The following SEC61G variants were observed in gnomAD, a reference collection of about 807,000 sequenced individuals.
SEC61G encodes SEC61 translocon subunit gamma, also known as protein transport protein Sec61 subunit gamma.
A neutral mutation model predicts 7.5 loss-of-function variants in SEC61G; 4 were observed. That is an observed-to-expected ratio of 0.54 (90% CI 0.26 to 1.22). SEC61G has a LOEUF of 1.22. Ranked by LOEUF, SEC61G falls within the 50% of genes most tolerant of loss-of-function variation. The probability of loss-of-function intolerance (pLI) is 0.12; values close to 1 mark genes in which losing one functional copy is unlikely to be tolerated. For missense variants in SEC61G, 53 were observed against 84.6 expected, an observed-to-expected ratio of 0.63 and a Z score of 1.46; for synonymous variants, 24 against 24.4, an observed-to-expected ratio of 0.98 and a Z score of 0.05.
At chr7:54,754,915 T>C (rs1374416878) in intron 3 of SEC61G, 4 of 152,258 alleles carry the variant, frequency 2.6e-5, no homozygotes, top group Non-Finnish European at 2.9e-5. Context: ...CTGATACACC[T>C]GATATTATTA....
intron 3 of SEC61G, among the ~76,000 whole-genome samples, chr7:54,753,074 G>A (rs1433231201): frequency 6.6e-6 from 1 of 152,076 alleles, no homozygotes; most frequent in African/African-American, 2.4e-5. Flanking sequence ...CAGATCACCT[G>A]AGGTCAGGAG....
chr7:54,759,129 C>T (rs765339383), intron 1 of SEC61G, 29 bp downstream of exon 1: 19 of 517,376 alleles, frequency 3.7e-5, no homozygotes, highest in African/African-American at 3.5e-4. Context: ...GCCCCGTTCG[C>T]CCGTACCGAC....
chr7:54,755,983 C>A (rs1791505942), intron 2 of SEC61G, 102 bp from the exon 3 acceptor site: 1 of 549,772 alleles, frequency 1.8e-6, no homozygotes, highest in Non-Finnish European at 3.2e-6. Context: ...GTATACATTT[C>A]TCCTGTTAAT....
At chr7:54,756,578 A>C (rs1304521242) in intron 2 of SEC61G, among the ~76,000 whole-genome samples, 1 of 152,168 alleles carries the variant, frequency 6.6e-6, no homozygotes, top group African/African-American at 2.4e-5. Flanking sequence ...GCTTGAACCC[A>C]GGAGGCGGAG....
Position 54,752,369 on chromosome 7 carries a change from T to C in SEC61G, c.*42A>G. 6.8e-7 allele frequency: 1 copy of C among 1,480,912 alleles called. No homozygotes were observed. Among genetic ancestry groups the C allele is most frequent in the East Asian group, 2.3e-5 (1 of 42,626 alleles). The allele number at this position is 1,480,912 out of a possible 1,614,324, so 91.7% of individuals were successfully genotyped here. On this transcript the variant is annotated 3_prime_UTR_variant, in exon 4 of 4. Coordinates refer to ENST00000352861, the MANE Select transcript of SEC61G (RefSeq NM_014302.4). ...TGAGTTTCTCACACCCTCACACTTGTTCACCAATCTCTAAGATGAAAAACT... is the reference window on the plus strand; with the variant it reads ...TGAGTTTCTCACACCCTCACACTTGCTCACCAATCTCTAAGATGAAAAACT...
At chr7:54,754,760 T>C (rs1791474948) in intron 3 of SEC61G, 1 of 152,162 alleles carries the variant, frequency 6.6e-6, no homozygotes, top group African/African-American at 2.4e-5. Context: ...TCAATTGATA[T>C]TACTGATTGA....
At chr7:54,759,079 G>C (rs906579484) in intron 1 of SEC61G, 79 bp downstream of exon 1, 14 of 436,654 alleles carry the variant, frequency 3.2e-5, no homozygotes, top group East Asian at 2.9e-4. Context: ...ACGCCGGCTC[G>C]CCCACGCCCG....
Position 54,759,137 on chromosome 7 carries a change from G to C in SEC61G, c.-7+21C>G, listed in dbSNP as rs2699226. The C allele has an allele frequency of 0.3, 156,201 of 517,226 alleles. 24,381 individuals are homozygous for C. The highest frequency in any genetic ancestry group is 0.38 in the South Asian group (27,016 of 71,456). The allele number at this position is 517,226 out of a possible 1,614,324, so 32.0% of individuals were successfully genotyped here. A position where few individuals can be genotyped will look rare whatever the true frequency, so the allele number is the denominator to read the frequency against. Reference sequence around the variant, plus strand: ...TGTGGCCGCCCCGTTCGCCCGTACCGACCGGTGGGAAGAAACTCACCTACC... The same window carrying C: ...TGTGGCCGCCCCGTTCGCCCGTACCCACCGGTGGGAAGAAACTCACCTACC... On this transcript the variant is annotated intron_variant, in intron 1 of 3. Transcript: ENST00000352861.
At chr7:54,756,566 T>C (rs1000155095) in intron 2 of SEC61G, among the ~76,000 whole-genome samples, 10 of 152,124 alleles carry the variant, frequency 6.6e-5, no homozygotes, top group Admixed American at 3.9e-4. Context: ...TGAGGCAGAA[T>C]TGCTTGAACC....
rs749902336 is a variant in SEC61G at position 54,755,820 on chromosome 7, G to T, written c.156C>A (p.Phe52Leu). 2.5e-6 allele frequency: 4 copies of T among 1,586,202 alleles called. No individual in the cohort carries two copies. The highest frequency in any genetic ancestry group is 3.4e-6 in the Non-Finnish European group (4 of 1,163,890). The change falls in exon 3 of 4, where the codon TTC becomes TTA. Residue 52 changes from phenylalanine to leucine, a missense_variant. By Grantham distance (22) the Phe-to-Leu change is conservative. Transcript: ENST00000352861. ...TAGGAATATGGATCAATTTCACAAA[G>T]AAGCCAATGAATCCCATTATAGCAA... ...IGFAIMGFIG[F>L]FVKLIHIPIN... is the part of the protein sequence containing the mutation.
At chr7:54,756,994 T>C (rs1435005078) in intron 2 of SEC61G, among the ~76,000 whole-genome samples, 2 of 147,392 alleles carry the variant, frequency 1.4e-5, no homozygotes, top group Non-Finnish European at 1.5e-5. Context: ...TATACTATAT[T>C]ATATACTATA....
intron 2 of SEC61G, among the ~76,000 whole-genome samples, chr7:54,757,140 T>C (rs564594463): frequency 6.6e-6 from 1 of 151,986 alleles, no homozygotes; most frequent in Non-Finnish European, 1.5e-5. Context: ...AAAAACTATA[T>C]TGTTGGTTTC....
chr7:54,756,550 G>A (rs189452714), intron 2 of SEC61G, among the ~76,000 whole-genome samples: 2 of 152,310 alleles, frequency 1.3e-5, no homozygotes, highest in Non-Finnish European at 2.9e-5. Context: ...CAGCTACTCA[G>A]GAGGCTGAGG....
intron 2 of SEC61G, 107 bp downstream of exon 2, chr7:54,757,388 A>C: frequency 2.3e-6 from 2 of 886,790 alleles, no homozygotes; most frequent in Non-Finnish European, 3.6e-6. Flanking sequence ...TCAATCAATA[A>C]AAATGTTGAT....
chr7:54,758,646 C>T (rs978801504), intron 1 of SEC61G, among the ~76,000 whole-genome samples: 1 of 152,176 alleles, frequency 6.6e-6, no homozygotes, highest in Non-Finnish European at 1.5e-5. Context: ...GCTAAGAATT[C>T]TTTATCCAGA....
intron 1 of SEC61G, among the ~76,000 whole-genome samples, 168 bp from the exon 2 acceptor site, chr7:54,757,762 T>C (rs940745352): frequency 1.4e-4 from 22 of 152,216 alleles, no homozygotes; most frequent in African/African-American, 5.1e-4. Flanking sequence ...TAAATTGATA[T>C]TATTTTTGGA....
chr7:54,755,931 G>T, intron 2 of SEC61G, 50 bp from the exon 3 acceptor site: 2 of 1,092,208 alleles, frequency 1.8e-6, no homozygotes, highest in Non-Finnish European at 1.3e-6. Context: ...GTCACTGAAA[G>T]TATGGGAAAA....
chr7:54,756,985 A>G (rs867516958), intron 2 of SEC61G, among the ~76,000 whole-genome samples: 6 of 145,762 alleles, frequency 4.1e-5, no homozygotes, highest in Middle Eastern at 7.5e-3. Flanking sequence ...TATATACTAT[A>G]TACTATATTA....
At chr7:54,758,752 TCACTTTAAA>T (rs1475703597) in intron 1 of SEC61G, among the ~76,000 whole-genome samples, 1 of 152,166 alleles carries the variant, frequency 6.6e-6, no homozygotes, top group Non-Finnish European at 1.5e-5. Flanking sequence ...ACCAATGCTC[TCACTTTAAA>T]CCACGGAAGC....
Sources: allele counts gnomAD v4.1 joint callset (sites outside exome capture counted in the v4.1 genomes callset), GRCh38; gene constraint gnomAD v4.1.1; transcripts MANE v1.5; gene names NCBI Gene and HGNC (gene_info 2026-07-23, HGNC 2026-07-21).